The following CORIN variants were observed in gnomAD, a reference collection of about 807,000 sequenced individuals.
The protein encoded by CORIN is corin, serine peptidase.
A neutral mutation model predicts 125.3 loss-of-function variants in CORIN; 117 were observed. The observed-to-expected ratio is 0.93, with a 90% CI of 0.80 to 1.09. The LOEUF is 1.09. Ranked by LOEUF, CORIN falls within the 50% of genes least tolerant of loss-of-function variation. CORIN has a pLI of 0.00. For missense variants in CORIN, 1,253 were observed against 1,306.7 expected (o/e 0.96, Z 0.63); for synonymous variants, 450 against 466.4 (o/e 0.96, Z 0.45).
intron 16 of CORIN, chr4:47,632,345 A>T (rs935070263): frequency 6.6e-6 from 1 of 152,160 alleles, no homozygotes; most frequent in Non-Finnish European, 1.5e-5. Flanking sequence ...GATAAGATAA[A>T]TTTTTTGCAA....
intron 19 of CORIN, among the ~76,000 whole-genome samples, chr4:47,621,497 G>T (rs1722306776): frequency 6.6e-6 from 1 of 152,176 alleles, no homozygotes; most frequent in South Asian, 2.1e-4. Flanking sequence ...CATAATAAAT[G>T]TCTGAGTTTT....
At chr4:47,736,782 G>A (rs1008775558) in intron 5 of CORIN, among the ~76,000 whole-genome samples, 1 of 152,186 alleles carries the variant, frequency 6.6e-6, no homozygotes, top group Non-Finnish European at 1.5e-5. Flanking sequence ...TTCTTGGCAT[G>A]GTGCTACACA....
At position 47,750,212 on chromosome 4, in the gene CORIN, G is replaced by A. The variant is rs548715198; in HGVS notation, c.618-5629C>T. 1.8e-4 allele frequency among the ~76,000 whole-genome samples: 27 copies of A among 152,266 alleles called. No homozygotes were observed. In the East Asian group the frequency reaches 3.9e-3, roughly 22 times the overall value. ...GACCATATAAGAGGTTAGGCTTAGC[G>A]GGGTATGAGAAGCAGAAAAGAGGCT... On this transcript the variant is annotated intron_variant, in intron 4 of 21. Coordinates refer to ENST00000273857, the MANE Select transcript of CORIN (RefSeq NM_006587.4).
At chr4:47,807,446 A>G (rs367941510) in intron 1 of CORIN, among the ~76,000 whole-genome samples, 2 of 152,372 alleles carry the variant, frequency 1.3e-5, no homozygotes, top group Admixed American at 6.5e-5. Context: ...AAGTAGGTGT[A>G]GACAGAATAT....
chr4:47,768,434 CA>C (rs1438517181), intron 3 of CORIN, among the ~76,000 whole-genome samples: 13 of 152,086 alleles, frequency 8.5e-5, no homozygotes, highest in Non-Finnish European at 1.8e-4. Flanking sequence ...CAAACTCTTC[CA>C]AAAAACTGAA....
intron 5 of CORIN, among the ~76,000 whole-genome samples, chr4:47,698,500 C>A (rs576001153): frequency 6.6e-6 from 1 of 151,788 alleles, no homozygotes; most frequent in African/African-American, 2.4e-5. Flanking sequence ...TGAGGCCAAG[C>A]AGAAGGGAGG....
chr4:47,724,877 T>C (rs1727515926), intron 5 of CORIN, among the ~76,000 whole-genome samples: 1 of 152,180 alleles, frequency 6.6e-6, no homozygotes, highest in African/African-American at 2.4e-5. Context: ...AATCTAATTA[T>C]AGGAGTGACT....
chr4:47,696,897 C>G (rs538486299), intron 5 of CORIN, among the ~76,000 whole-genome samples: 1 of 152,266 alleles, frequency 6.6e-6, no homozygotes, highest in South Asian at 2.1e-4. Context: ...CTTTTAGAGT[C>G]CTTTTCAAAA....
At chr4:47,725,188 A>T (rs2109804359) in intron 5 of CORIN, among the ~76,000 whole-genome samples, 1 of 152,304 alleles carries the variant, frequency 6.6e-6, no homozygotes, top group African/African-American at 2.4e-5. Flanking sequence ...TTAAGATGCC[A>T]AGTCTCCCCA....
chr4:47,761,837 T>C (rs1040873590), intron 4 of CORIN, among the ~76,000 whole-genome samples: 3 of 152,070 alleles, frequency 2.0e-5, no homozygotes, highest in East Asian at 1.9e-4. Context: ...GATAACATAT[T>C]GTATTCTTAG....
intron 5 of CORIN, 126 bp downstream of exon 5, chr4:47,744,276 G>A: frequency 1.1e-6 from 1 of 879,764 alleles, no homozygotes. Flanking sequence ...CTGGGTTCTG[G>A]TTACATGGAT....
At chr4:47,646,524 G>C (rs913174628) in intron 13 of CORIN, among the ~76,000 whole-genome samples, 2 of 152,206 alleles carry the variant, frequency 1.3e-5, no homozygotes, top group Admixed American at 1.3e-4. Flanking sequence ...CATTTCATAT[G>C]CCTGCTAAAG....
chr4:47,683,503 ATCCCACTTC>A (rs1725378019), intron 7 of CORIN: 1 of 411,052 alleles, frequency 2.4e-6, no homozygotes, highest in South Asian at 3.5e-5. Flanking sequence ...CAGTCTTCCC[ATCCCACTTC>A]TTAAACATTT....
chr4:47,712,903 A>C (rs1726914146), intron 5 of CORIN, among the ~76,000 whole-genome samples: 1 of 152,202 alleles, frequency 6.6e-6, no homozygotes, highest in Admixed American at 6.5e-5. Context: ...AAGAGCTGCC[A>C]AAAGTGGAGA....
chr4:47,715,743 A>G (rs1727060041), intron 5 of CORIN, among the ~76,000 whole-genome samples: 1 of 152,232 alleles, frequency 6.6e-6, no homozygotes, highest in South Asian at 2.1e-4. Context: ...AATATTCTTC[A>G]GACACATAAA....
chr4:47,618,605 G>A (rs1479751954), intron 19 of CORIN, among the ~76,000 whole-genome samples: 1 of 152,016 alleles, frequency 6.6e-6, no homozygotes, highest in African/African-American at 2.4e-5. Flanking sequence ...GGATCACAAG[G>A]TCAGGAGATC....
chr4:47,821,710 T>C (rs182391417), intron 1 of CORIN, among the ~76,000 whole-genome samples: 1 of 152,304 alleles, frequency 6.6e-6, no homozygotes, highest in Non-Finnish European at 1.5e-5. Flanking sequence ...ATTGTCTCAT[T>C]TCTTCCCAGC....
intron 3 of CORIN, among the ~76,000 whole-genome samples, chr4:47,776,410 C>G (rs1303883600): frequency 6.6e-6 from 1 of 152,108 alleles, no homozygotes; most frequent in African/African-American, 2.4e-5. Flanking sequence ...GTATGAGCCA[C>G]CACACCCAAC....
intron 4 of CORIN, among the ~76,000 whole-genome samples, chr4:47,750,651 G>A (rs1447813303): frequency 6.6e-6 from 1 of 152,186 alleles, no homozygotes; most frequent in Non-Finnish European, 1.5e-5. Context: ...CTTGATAGGG[G>A]TCGTGGCCTC....
Sources: allele counts gnomAD v4.1 joint callset (sites outside exome capture counted in the v4.1 genomes callset), GRCh38; gene constraint gnomAD v4.1.1; transcripts MANE v1.5; gene names NCBI Gene and HGNC (gene_info 2026-07-23, HGNC 2026-07-21).